Variants in ARHGAP26 observed in about 807,000 individuals in gnomAD.
ARHGAP26 encodes Rho GTPase activating protein 26, also known as rho GTPase-activating protein 26.
A neutral mutation model predicts 104.8 loss-of-function variants in ARHGAP26; 38 were observed. The ratio of observed to expected loss-of-function variants is 0.36; its 90% CI spans 0.28 to 0.48. The LOEUF (loss-of-function observed/expected upper bound fraction) is 0.48, where lower values mean the gene tolerates loss of function less well. ARHGAP26 is among the 20% of genes least tolerant of loss of function. The pLI is 0.99. For synonymous variants in ARHGAP26, 341 were observed against 340.0 expected (o/e 1.00, Z -0.03); for missense variants, 704 against 947.9 (o/e 0.74, Z 3.38).
chr5:143,084,324 C>G (rs1357969147), intron 17 of ARHGAP26, among the ~76,000 whole-genome samples: 1 of 152,130 alleles, frequency 6.6e-6, no homozygotes, highest in Non-Finnish European at 1.5e-5. Flanking sequence ...CTGTCTGTGC[C>G]CAGCCATGAG....
intron 6 of ARHGAP26, among the ~76,000 whole-genome samples, chr5:142,895,396 A>G (rs1759321725): frequency 6.6e-6 from 1 of 151,862 alleles, no homozygotes; most frequent in Non-Finnish European, 1.5e-5. Context: ...ACGCCTGGCT[A>G]ATTTTTGTAT....
At chr5:143,048,931 A>AG (rs1784606282) in intron 14 of ARHGAP26, among the ~76,000 whole-genome samples, 2 of 151,612 alleles carry the variant, frequency 1.3e-5, no homozygotes, top group East Asian at 3.9e-4. Flanking sequence ...AAAAAAAAAA[A>AG]AAAAACCTTA....
chr5:143,214,031 T>C lies in ARHGAP26; in HGVS notation c.2134T>C (p.Cys712Arg). ...CCGGAAGGCAAAAGCCTTGTATGCC[T>C]GCAAAGCTGAACATGACTCAGAACT... ...PFRKAKALYA[C>R]KAEHDSELSF... Residue 712 changes from cysteine to arginine, a missense_variant, in exon 22 of 23, where the codon TGC becomes CGC. By Grantham distance (180) the Cys-to-Arg change is radical. Transcript: ENST00000645722. The C allele has an allele frequency of 6.3e-7, 1 of 1,596,344 alleles. No homozygotes were observed.
chr5:143,101,017 T>C (rs1354482940), intron 17 of ARHGAP26, among the ~76,000 whole-genome samples: 4 of 152,150 alleles, frequency 2.6e-5, no homozygotes, highest in Admixed American at 1.3e-4. Flanking sequence ...GGCTTGAACC[T>C]GGGAGGCGGA....
chr5:142,960,614 A>G (rs1440623773), intron 11 of ARHGAP26, among the ~76,000 whole-genome samples: 3 of 152,176 alleles, frequency 2.0e-5, no homozygotes. Context: ...GTCTCTTGTT[A>G]TGAGGGGAGA....
At chr5:142,884,105 T>C (rs1430141944) in intron 4 of ARHGAP26, among the ~76,000 whole-genome samples, 1 of 152,214 alleles carries the variant, frequency 6.6e-6, no homozygotes, top group Non-Finnish European at 1.5e-5. Flanking sequence ...ATGTACCCAA[T>C]TAGCAAATTT....
chr5:143,097,555 T>G (rs554149415), intron 17 of ARHGAP26, among the ~76,000 whole-genome samples: 46 of 152,020 alleles, frequency 3.0e-4, no homozygotes, highest in Non-Finnish European at 6.3e-4. Context: ...GCGCGGTGGC[T>G]CACGCCTGTA....
At chr5:143,090,396 T>C (rs1791238613) in intron 17 of ARHGAP26, among the ~76,000 whole-genome samples, 1 of 152,256 alleles carries the variant, frequency 6.6e-6, no homozygotes, top group Non-Finnish European at 1.5e-5. Context: ...TGCATCTTGG[T>C]ATCCTGTCTT....
At chr5:142,868,884 G>A (rs1228526270) in intron 1 of ARHGAP26, 1 of 152,546 alleles carries the variant, frequency 6.6e-6, no homozygotes, top group African/African-American at 2.4e-5. Context: ...TATTCCACCT[G>A]TAAGCCAGCT....
chr5:143,225,925 G>T lies in ARHGAP26; in HGVS notation c.*3479G>T. 4.5e-6 allele frequency: 1 copy of T among 221,228 alleles called. No homozygotes were observed. Among genetic ancestry groups the T allele is most frequent in the Non-Finnish European group, 9.1e-6 (1 of 110,236 alleles). The allele number at this position is 221,228 out of a possible 1,614,324, so 13.7% of individuals were successfully genotyped here. A position where few individuals can be genotyped will look rare whatever the true frequency, so the allele number is the denominator to read the frequency against. ...TGAGCCAATGAGTAGGAAGGAACTTGAAGACTAAAGATTTTACTCTCTCCC... is the reference window on the plus strand; with the variant it reads ...TGAGCCAATGAGTAGGAAGGAACTTTAAGACTAAAGATTTTACTCTCTCCC... On this transcript the variant is annotated 3_prime_UTR_variant, in exon 23 of 23. Transcript: ENST00000645722.
rs968286160 is a variant in ARHGAP26, at chr5:143,224,326, C to A, written c.*1880C>A. 10 of 231,566 alleles carry A rather than the reference C, an allele frequency of 4.3e-5. No individual in the cohort carries two copies. Among genetic ancestry groups the A allele is most frequent in the Non-Finnish European group, 8.6e-5 (10 of 116,802 alleles). 14.3% of individuals were successfully genotyped at this position (231,566 alleles called of 1,614,324 possible). On this transcript the variant is annotated 3_prime_UTR_variant, in exon 23 of 23. Transcript: ENST00000645722. Reference sequence around the variant, plus strand: ...AGGAAAGAGAAGACATTTCTATGGCCTTGCTCTCTGCTGTCCTGTTGGTGG... The same window carrying A: ...AGGAAAGAGAAGACATTTCTATGGCATTGCTCTCTGCTGTCCTGTTGGTGG...
chr5:142,965,971 A>G (rs966923647), intron 11 of ARHGAP26, among the ~76,000 whole-genome samples: 8 of 152,234 alleles, frequency 5.3e-5, no homozygotes, highest in African/African-American at 1.4e-4. Context: ...CCGGTTCTAA[A>G]TAAGCCTTTT....
chr5:142,956,591 T>C (rs1351752991), intron 11 of ARHGAP26, among the ~76,000 whole-genome samples: 1 of 151,756 alleles, frequency 6.6e-6, no homozygotes, highest in East Asian at 1.9e-4. Context: ...CAAAACAAAA[T>C]AAAAAAGCAG....
chr5:143,099,413 G>A (rs1005622628), intron 17 of ARHGAP26, among the ~76,000 whole-genome samples: 1 of 152,170 alleles, frequency 6.6e-6, no homozygotes, highest in Non-Finnish European at 1.5e-5. Context: ...CTTGTGGGGT[G>A]GAAGAAGTTG....
rs1424264346 is a variant in ARHGAP26, at chr5:142,858,094, T to TGTGAGAGA, written c.155-15305_155-15304insTGAGAGAG. Among the ~76,000 whole-genome samples the TGTGAGAGA allele has an allele frequency of 6.8e-3, 870 of 127,206 alleles. 14 individuals are homozygous for TGTGAGAGA. Among genetic ancestry groups the TGTGAGAGA allele is most frequent in the African/African-American group, 0.023 (748 of 32,356 alleles). 83.5% of individuals were successfully genotyped at this position (127,206 alleles called of 152,430 possible). On this transcript the variant is annotated intron_variant, in intron 1 of 22. Transcript: ENST00000645722. Reference sequence around the variant, plus strand: ...GTGTGTGTGTGTGTGTGTGTGTGTGTGAGAGAGAGAGAGAGAGGGAGTGTG... The same window carrying TGTGAGAGA: ...GTGTGTGTGTGTGTGTGTGTGTGTGTGTGAGAGAGAGAGAGAGAGAGAGAGGGAGTGTG...
chr5:143,085,889 A>G (rs1790523048), intron 17 of ARHGAP26, among the ~76,000 whole-genome samples: 1 of 152,226 alleles, frequency 6.6e-6, no homozygotes, highest in African/African-American at 2.4e-5. Flanking sequence ...TTTTTAAAAA[A>G]TGGTTTCTTA....
chr5:142,908,375 A>G (rs1761397885), intron 9 of ARHGAP26, among the ~76,000 whole-genome samples: 1 of 152,236 alleles, frequency 6.6e-6, no homozygotes, highest in Non-Finnish European at 1.5e-5. Flanking sequence ...GGAGGGTCTG[A>G]AGCAGCTCAA....
At chr5:142,919,651 CTTTTA>C in intron 10 of ARHGAP26, among the ~76,000 whole-genome samples, 1 of 152,246 alleles carries the variant, frequency 6.6e-6, no homozygotes, top group East Asian at 1.9e-4. Context: ...CCTTTCTTTT[CTTTTA>C]TTTTTTTACA....
At chr5:143,032,934 G>A (rs546028571) in intron 12 of ARHGAP26, among the ~76,000 whole-genome samples, 1 of 152,302 alleles carries the variant, frequency 6.6e-6, no homozygotes, top group African/African-American at 2.4e-5. Flanking sequence ...CCAGTTTAGA[G>A]GTTTAGAGCA....
Sources: allele counts gnomAD v4.1 joint callset (sites outside exome capture counted in the v4.1 genomes callset), GRCh38; gene constraint gnomAD v4.1.1; transcripts MANE v1.5; gene names NCBI Gene and HGNC (gene_info 2026-07-23, HGNC 2026-07-21).